CD99L2: variants seen among roughly 807,000 people sequenced by gnomAD.
CD99L2 encodes the protein CD99 molecule like 2.
Under a neutral mutation model 27.3 loss-of-function variants are expected in CD99L2, and 24 were observed. The observed-to-expected ratio is 0.88, with a 90% CI of 0.64 to 1.24. The LOEUF (loss-of-function observed/expected upper bound fraction) is 1.24. Ranked by LOEUF, CD99L2 falls within the 50% of genes most tolerant of loss-of-function variation. CD99L2 has a pLI of 0.00. For missense variants in CD99L2, 255 were observed against 221.6 expected (o/e 1.15, Z -0.96); for synonymous variants, 97 against 87.9 (o/e 1.10, Z -0.58).
chrX:150,897,845 G>A (rs910666189), intron 1 of CD99L2, among the ~76,000 whole-genome samples: 7 of 110,897 alleles, frequency 6.3e-5, no homozygotes, highest in African/African-American at 2.3e-4. Context: ...GGCGGGGCGT[G>A]AGATGCTGCA....
intron 1 of CD99L2, among the ~76,000 whole-genome samples, chrX:150,868,803 T>C (rs189457863): frequency 7.9e-4 from 88 of 111,845 alleles, no homozygotes; most frequent in Admixed American, 3.1e-3. Flanking sequence ...GGCTCAGGGA[T>C]GTAGGTGGTT....
At chrX:150,869,853 C>G (rs2047128115) in intron 1 of CD99L2, among the ~76,000 whole-genome samples, 1 of 110,724 alleles carries the variant, frequency 9.0e-6, no homozygotes, top group African/African-American at 3.3e-5. Context: ...ATGTTTGTAT[C>G]TTTGGCCTTT....
intron 1 of CD99L2, among the ~76,000 whole-genome samples, chrX:150,892,226 G>GA (rs1443622444): frequency 8.8e-4 from 95 of 107,846 alleles, no homozygotes; most frequent in African/African-American, 3.0e-3. Flanking sequence ...CATCTCGAAG[G>GA]AAAAAAATAA....
rs782327314 is a variant in CD99L2 at position 150,793,901 on chromosome X, AC to A, written c.431-146del. 9.0e-4 allele frequency: 366 copies of A among 404,806 alleles called. 1 individual carries two copies. The highest frequency in any genetic ancestry group is 5.9e-3 in the African/African-American group (227 of 38,654). The allele number at this position is 404,806 out of a possible 1,213,427, so 33.4% of individuals were successfully genotyped here. A position where few individuals can be genotyped will look rare whatever the true frequency, so the allele number is the denominator to read the frequency against. ...ATGAAATTCTAAGAGGTCCCCCCAGACCCCCTCCCACTGGTGTACATGTCCC... is the reference window on the plus strand; with the variant it reads ...ATGAAATTCTAAGAGGTCCCCCCAGACCCCTCCCACTGGTGTACATGTCCC... On this transcript the variant is annotated intron_variant, in intron 6 of 10. Coordinates refer to ENST00000370377, the MANE Select transcript of CD99L2 (RefSeq NM_031462.4).
chrX:150,878,300 T>C (rs1286209224), intron 1 of CD99L2, among the ~76,000 whole-genome samples: 2 of 105,225 alleles, frequency 1.9e-5, no homozygotes, highest in Non-Finnish European at 3.9e-5. Flanking sequence ...ATCATACCAC[T>C]GCACTCCAGC....
chrX:150,777,436 A>G lies in CD99L2; in HGVS notation c.535+8T>C, dbSNP rs782573753. On this transcript the variant is annotated splice_region_variant and intron_variant, in intron 8 of 10. Transcript: ENST00000370377. ...GGCCAACAGGAGCCTCAGGATTCAGAAACCCACCAGATCCAGGGTCGTCAT... is the reference window on the plus strand; with the variant it reads ...GGCCAACAGGAGCCTCAGGATTCAGGAACCCACCAGATCCAGGGTCGTCAT... 4.0e-5 allele frequency: 48 copies of G among 1,210,449 alleles called. No homozygotes were observed. The South Asian group carries it at 7.7e-4, about 20-fold the overall frequency.
intron 1 of CD99L2, among the ~76,000 whole-genome samples, chrX:150,877,677 G>A (rs115309830): frequency 0.025 from 2,760 of 110,029 alleles, 98 homozygotes; most frequent in African/African-American, 0.088. Flanking sequence ...AAATTAGCCA[G>A]GTGTGGTGGC....
intron 1 of CD99L2, among the ~76,000 whole-genome samples, chrX:150,843,054 A>G (rs1447107196): frequency 8.9e-6 from 1 of 112,563 alleles, no homozygotes; most frequent in African/African-American, 3.2e-5. Flanking sequence ...TCATGCCAAG[A>G]GCAAGCATCT....
rs1194532960 is a variant in CD99L2 at position 150,822,481 on chromosome X, G to GCCA, written c.131-6406_131-6404dup. ...TACAACATTAAGAATATCCTAAAAT[G>GCCA]CCACTTAATTGCTCACTTTTAAATG... On this transcript the variant is annotated intron_variant, in intron 2 of 10. Transcript: ENST00000370377. Among the ~76,000 whole-genome samples the GCCA allele has an allele frequency of 2.7e-5, 3 of 111,785 alleles. No homozygotes were observed. The East Asian group carries it at 8.4e-4, about 31-fold the overall frequency.
intron 2 of CD99L2, among the ~76,000 whole-genome samples, chrX:150,817,162 C>T (rs1557420537): frequency 9.7e-6 from 1 of 102,599 alleles, no homozygotes. Context: ...CTAACCTGCA[C>T]ATTGTGCACA....
At chrX:150,818,223 TG>T (rs2046195250) in intron 2 of CD99L2, among the ~76,000 whole-genome samples, 4 of 104,235 alleles carry the variant, frequency 3.8e-5, no homozygotes, top group Admixed American at 1.0e-4. Flanking sequence ...TATATATATA[TG>T]ACTTGAACAA....
chrX:150,849,586 G>A (rs1260682722), intron 1 of CD99L2, among the ~76,000 whole-genome samples: 3 of 111,252 alleles, frequency 2.7e-5, no homozygotes, highest in Admixed American at 9.6e-5. Flanking sequence ...GCAGGCTGAG[G>A]TGGGAGGATT....
rs1342216321 is a variant in CD99L2 at position 150,792,606 on chromosome X, C to A, written c.496+1085G>T. Among the ~76,000 whole-genome samples the A allele has an allele frequency of 1.3e-4, 15 of 112,305 alleles. No individual in the cohort carries two copies. The Admixed American group carries it at 1.4e-3, about 11-fold the overall frequency. On this transcript the variant is annotated intron_variant, in intron 7 of 10. Transcript: ENST00000370377. The stretch of plus-strand genomic sequence containing the variant: ...AGAAAAGAGCAAACACTAGTAACCA[C>A]AGCCAAGACTGTGGGGAGTGTATCA...
Position 150,866,959 on chromosome X carries a change from GA to G in CD99L2, c.67+31562del, listed in dbSNP as rs1203756596. Among the ~76,000 whole-genome samples, 9 of 104,767 alleles carry G rather than the reference GA, an allele frequency of 8.6e-5. No individual in the cohort carries two copies. The East Asian group carries it at 8.8e-4, about 10-fold the overall frequency. 91.0% of individuals were successfully genotyped at this position (104,767 alleles called of 115,157 possible). On this transcript the variant is annotated intron_variant, in intron 1 of 10. Transcript: ENST00000370377. Reference sequence around the variant, plus strand: ...ATGTTCTAAAATTTAAAAATCAAAAGAAAAAAAAAACAGGTAGCTCCTGGGA... The same window carrying G: ...ATGTTCTAAAATTTAAAAATCAAAAGAAAAAAAAACAGGTAGCTCCTGGGA...
intron 1 of CD99L2, among the ~76,000 whole-genome samples, chrX:150,865,066 CAAA>C (rs782313986): frequency 5.9e-5 from 3 of 51,094 alleles, no homozygotes; most frequent in Non-Finnish European, 3.9e-5. Context: ...GACCCTGTCT[CAAA>C]AAAAAAAAAA....
At position 150,768,623 on chromosome X, in the gene CD99L2, C is replaced by G. The variant is rs900281574; in HGVS notation, c.*411G>C. The G allele has an allele frequency of 6.9e-6, 1 of 144,499 alleles. No individual in the cohort carries two copies. Among genetic ancestry groups the G allele is most frequent in the African/African-American group, 3.1e-5 (1 of 32,232 alleles). The allele number at this position is 144,499 out of a possible 1,213,427, so 11.9% of individuals were successfully genotyped here. On this transcript the variant is annotated 3_prime_UTR_variant, in exon 11 of 11. Transcript: ENST00000370377. The stretch of plus-strand genomic sequence containing the variant: ...TCAGGGGCTGTCTATTGGCAGAAAC[C>G]TGCCACAATGAGCCACTCCAGTGTG...
At chrX:150,848,569 A>C (rs1016374256) in intron 1 of CD99L2, among the ~76,000 whole-genome samples, 1 of 110,830 alleles carries the variant, frequency 9.0e-6, no homozygotes, top group African/African-American at 3.3e-5. Context: ...AAAAAAAAAA[A>C]AAAACAGCAA....
rs782475820 is a variant in CD99L2 at position 150,776,158 on chromosome X, G to A, written c.655+16C>T. 1.7e-6 allele frequency: 2 copies of A among 1,208,617 alleles called. No homozygotes were observed. Among genetic ancestry groups the A allele is most frequent in the South Asian group, 3.5e-5 (2 of 56,347 alleles). On this transcript the variant is annotated intron_variant, in intron 9 of 10. Coordinates refer to ENST00000370377, the MANE Select transcript of CD99L2 (RefSeq NM_031462.4). Reference sequence around the variant, plus strand: ...TGCCAGCTGGTTCCTAGCCACGAGTGGGTGGCTGCACTTACGCTGAATGCT... The same window carrying A: ...TGCCAGCTGGTTCCTAGCCACGAGTAGGTGGCTGCACTTACGCTGAATGCT...
In CD99L2 at chrX:150,823,557, A is replaced by G. The variant is rs782435186; in HGVS notation, c.131-7479T>C. Among the ~76,000 whole-genome samples the G allele has an allele frequency of 6.3e-5, 7 of 112,000 alleles. No homozygotes were observed. The South Asian group carries it at 2.6e-3, about 42-fold the overall frequency. ...TGCCTCACCCTCCCCAAGTGCTGGA[A>G]TTACAGGTGTGAGCCACCACGCCCA... On this transcript the variant is annotated intron_variant, in intron 2 of 10. Transcript: ENST00000370377.
Sources: gnomAD v4.1 joint callset for allele counts (sites outside exome capture counted in the v4.1 genomes callset) on GRCh38, gnomAD v4.1.1 for gene constraint, MANE v1.5 for transcripts, NCBI Gene and HGNC (gene_info 2026-07-23, HGNC 2026-07-21) for gene names.